LRRC4C: variants seen among roughly 807,000 people sequenced by gnomAD.
LRRC4C encodes the protein leucine-rich repeat-containing protein 4C.
A neutral mutation model predicts 33.6 loss-of-function variants in LRRC4C; 5 were observed. That is an observed-to-expected ratio of 0.15 (90% confidence interval 0.08 to 0.31). The LOEUF is 0.31. Among genes scored for constraint, LRRC4C ranks in the 10% least tolerant of loss-of-function variants. The probability of loss-of-function intolerance (pLI) is 1.00; values close to 1 mark genes in which losing one functional copy is unlikely to be tolerated. For synonymous variants in LRRC4C, 329 were observed against 302.0 expected, an observed-to-expected ratio of 1.09 and a Z score of -0.93; for missense variants, 560 against 796.7, an observed-to-expected ratio of 0.70 and a Z score of 3.58.
intron 5 of LRRC4C, among the ~76,000 whole-genome samples, chr11:40,199,430 C>T (rs1862528233): frequency 6.6e-6 from 1 of 152,140 alleles, no homozygotes; most frequent in Admixed American, 6.5e-5. Flanking sequence ...TACATAAGGC[C>T]TTGTGGGTCT....
intron 3 of LRRC4C, among the ~76,000 whole-genome samples, chr11:40,359,997 G>A (rs944855927): frequency 6.6e-6 from 1 of 152,042 alleles, no homozygotes; most frequent in Admixed American, 6.6e-5. Flanking sequence ...ACATTAAAGT[G>A]GTTACTGCTG....
intron 2 of LRRC4C, among the ~76,000 whole-genome samples, chr11:40,748,779 A>T (rs1227845369): frequency 6.6e-6 from 1 of 152,146 alleles, no homozygotes; most frequent in African/African-American, 2.4e-5. Flanking sequence ...AAGTAAAGGA[A>T]TGTAAAAAGA....
chr11:40,183,275 G>T (rs773397182), intron 5 of LRRC4C, among the ~76,000 whole-genome samples: 2 of 152,108 alleles, frequency 1.3e-5, no homozygotes, highest in Non-Finnish European at 2.9e-5. Flanking sequence ...CCACTGAAAG[G>T]CAAATTGGAC....
intron 5 of LRRC4C, among the ~76,000 whole-genome samples, chr11:40,223,862 C>T (rs1446101212): frequency 2.6e-5 from 4 of 152,144 alleles, no homozygotes; most frequent in Non-Finnish European, 5.9e-5. Flanking sequence ...TTGCATGTTT[C>T]CCATCTAACT....
chr11:40,726,614 A>G (rs1947302771), intron 2 of LRRC4C, among the ~76,000 whole-genome samples: 1 of 152,202 alleles, frequency 6.6e-6, no homozygotes. Flanking sequence ...ATTTCAAATA[A>G]TAAGAGGCAT....
At chr11:41,257,232 A>G (rs1217147820) in intron 1 of LRRC4C, among the ~76,000 whole-genome samples, 1 of 152,004 alleles carries the variant, frequency 6.6e-6, no homozygotes, top group African/African-American at 2.4e-5. Context: ...CAGCTCAACT[A>G]TTTAGTAGGA....
chr11:41,275,434 A>G (rs538610941), intron 1 of LRRC4C, among the ~76,000 whole-genome samples: 13 of 152,310 alleles, frequency 8.5e-5, no homozygotes, highest in Admixed American at 3.3e-4. Flanking sequence ...TATTCAGTAA[A>G]TGATTTCTAT....
At chr11:40,187,230 T>A (rs998714750) in intron 5 of LRRC4C, among the ~76,000 whole-genome samples, 3 of 152,034 alleles carry the variant, frequency 2.0e-5, no homozygotes, top group African/African-American at 4.8e-5. Flanking sequence ...CAAAATTACA[T>A]CTGAACTCTT....
chr11:41,159,463 G>C (rs2136014843), intron 1 of LRRC4C, among the ~76,000 whole-genome samples: 1 of 152,144 alleles, frequency 6.6e-6, no homozygotes, highest in South Asian at 2.1e-4. Context: ...ATGAAGAATT[G>C]ACCCAGAAGA....
At chr11:40,931,593 T>C (rs934341416) in intron 2 of LRRC4C, among the ~76,000 whole-genome samples, 2 of 152,138 alleles carry the variant, frequency 1.3e-5, no homozygotes, top group African/African-American at 4.8e-5. Context: ...AATTGATATA[T>C]ACTGCAGGCA....
intron 3 of LRRC4C, among the ~76,000 whole-genome samples, chr11:40,415,816 G>T (rs987292439): frequency 3.3e-5 from 5 of 152,088 alleles, no homozygotes; most frequent in Admixed American, 2.0e-4. Context: ...AGAGAGTGTG[G>T]ATAGAATGTG....
At chr11:41,216,071 G>C (rs1055400992) in intron 1 of LRRC4C, among the ~76,000 whole-genome samples, 2 of 152,148 alleles carry the variant, frequency 1.3e-5, no homozygotes, top group Admixed American at 1.3e-4. Flanking sequence ...AACTGTGAAG[G>C]CTACAGATAT....
At chr11:41,344,077 T>A (rs762878020) in intron 1 of LRRC4C, among the ~76,000 whole-genome samples, 1 of 152,186 alleles carries the variant, frequency 6.6e-6, no homozygotes. Flanking sequence ...TTCGTTTTGA[T>A]GATTGTGTCG....
chr11:40,819,311 T>TA (rs1299505904), intron 2 of LRRC4C, among the ~76,000 whole-genome samples: 1 of 151,932 alleles, frequency 6.6e-6, no homozygotes, highest in Non-Finnish European at 1.5e-5. Context: ...ACCAAAGTCA[T>TA]AAAAAAATCT....
chr11:41,358,516 TTA>T (rs1952239735), intron 1 of LRRC4C, among the ~76,000 whole-genome samples: 1 of 152,132 alleles, frequency 6.6e-6, no homozygotes, highest in South Asian at 2.1e-4. Flanking sequence ...CAAAGGATTA[TTA>T]TCCAAAATTT....
chr11:40,693,934 G>A (rs1201529044), intron 2 of LRRC4C, among the ~76,000 whole-genome samples: 1 of 152,124 alleles, frequency 6.6e-6, no homozygotes, highest in Non-Finnish European at 1.5e-5. Flanking sequence ...TGCCAACATT[G>A]CAATTCCACA....
intron 4 of LRRC4C, among the ~76,000 whole-genome samples, chr11:40,244,215 A>C (rs1866152853): frequency 6.6e-6 from 1 of 152,154 alleles, no homozygotes; most frequent in Non-Finnish European, 1.5e-5. Context: ...TCAGAAACTT[A>C]TACCCCAAAA....
At chr11:40,624,978 T>C (rs1183712387) in intron 3 of LRRC4C, among the ~76,000 whole-genome samples, 1 of 152,096 alleles carries the variant, frequency 6.6e-6, no homozygotes, top group African/African-American at 2.4e-5. Flanking sequence ...ATGATCATAA[T>C]AAATATAATA....
intron 1 of LRRC4C, among the ~76,000 whole-genome samples, chr11:41,357,303 T>G (rs946819678): frequency 4.6e-5 from 7 of 152,178 alleles, no homozygotes; most frequent in African/African-American, 1.4e-4. Flanking sequence ...TAGATAATTT[T>G]TTTAATTTAC....
Sources: gnomAD v4.1 joint callset for allele counts (sites outside exome capture counted in the v4.1 genomes callset) on GRCh38, gnomAD v4.1.1 for gene constraint, MANE v1.5 for transcripts, NCBI Gene and HGNC (gene_info 2026-07-23, HGNC 2026-07-21) for gene names.